RPTOR: variants seen among roughly 807,000 people sequenced by gnomAD.
RPTOR encodes the protein regulatory-associated protein of mTOR.
Under a neutral mutation model 169.9 loss-of-function variants are expected in RPTOR, and 21 were observed. The ratio of observed to expected loss-of-function variants is 0.12; its 90% confidence interval spans 0.09 to 0.18. The LOEUF is 0.18. Among genes scored for constraint, RPTOR ranks in the 10% least tolerant of loss-of-function variants. The probability of loss-of-function intolerance (pLI) is 1.00; values close to 1 mark genes in which losing one functional copy is unlikely to be tolerated. For synonymous variants in RPTOR, 732 were observed against 753.2 expected (o/e 0.97, Z 0.46); for missense variants, 1,133 against 1,855.9 (o/e 0.61, Z 7.16).
At chr17:80,866,137 CAA>C (rs746567588) in intron 13 of RPTOR, among the ~76,000 whole-genome samples, 22 of 148,794 alleles carry the variant, frequency 1.5e-4, no homozygotes, top group East Asian at 3.9e-4. Flanking sequence ...TCGTGAATAA[CAA>C]AGATTTATAT....
intron 5 of RPTOR, among the ~76,000 whole-genome samples, chr17:80,739,280 G>C (rs2066462708): frequency 7.5e-6 from 1 of 133,796 alleles, no homozygotes; most frequent in African/African-American, 2.8e-5. Flanking sequence ...AGGGGCAAGT[G>C]GGAAGTAAGT....
chr17:80,637,224 C>T (rs966672996), intron 2 of RPTOR, among the ~76,000 whole-genome samples: 1 of 152,202 alleles, frequency 6.6e-6, no homozygotes, highest in African/African-American at 2.4e-5. Flanking sequence ...GGAGAGCAGA[C>T]GTCATGTCTG....
chr17:80,962,999 A>G lies in RPTOR; in HGVS notation c.3881A>G (p.Asp1294Gly). ...GELINNIKYYDGFMGQRVGAI... is the reference protein window; with the variant it reads ...GELINNIKYYGGFMGQRVGAI... ...CTCATCAACAACATCAAGTACTACG[A>G]CGGCTTCATGGGCCAGCGGGTCGGC... The change falls in exon 33 of 34, where the codon GAC becomes GGC. Residue 1294 changes from aspartate to glycine, a missense_variant. Physicochemically the swap from Asp to Gly is moderately conservative, Grantham distance 94. Around this residue, in one of 9 missense-constraint regions of RPTOR, gnomAD observed 410 missense variants for 623.7 expected, o/e 0.66. Transcript: ENST00000306801. The G allele has an allele frequency of 6.2e-7, 1 of 1,612,082 alleles. No individual in the cohort carries two copies. The highest frequency in any genetic ancestry group is 8.5e-7 in the Non-Finnish European group (1 of 1,179,432).
intron 3 of RPTOR, among the ~76,000 whole-genome samples, chr17:80,689,222 G>T (rs994972658): frequency 5.3e-5 from 8 of 152,216 alleles, no homozygotes; most frequent in Admixed American, 3.3e-4. Context: ...GTCAGCAGAT[G>T]AACACATTCA....
In RPTOR at chr17:80,754,194, C is replaced by T. The variant is rs2066657580; in HGVS notation, c.830+9C>T. ...AAGATCGCCCTGCGCTGGTGAGTGG[C>T]CCCTGCTGTGCCCCTGGGACCCACT... On this transcript the variant is annotated intron_variant, in intron 6 of 33. Transcript: ENST00000306801. The surrounding 1 kb of genome is among the most constrained non-coding windows in gnomAD (Gnocchi z 4.2). 6.3e-7 allele frequency: 1 copy of T among 1,586,106 alleles called. No homozygotes were observed. The highest frequency in any genetic ancestry group is 8.6e-7 in the Non-Finnish European group (1 of 1,162,486).
At chr17:80,905,416 T>C (rs1355847521) in intron 20 of RPTOR, among the ~76,000 whole-genome samples, 1 of 143,674 alleles carries the variant, frequency 7.0e-6, no homozygotes, top group African/African-American at 2.6e-5. Context: ...GAAACCCGTC[T>C]CTACTAAAAA....
At position 80,695,375 on chromosome 17, in the gene RPTOR, A is replaced by G. The variant is rs2066027760; in HGVS notation, c.349-12466A>G. Among the ~76,000 whole-genome samples the G allele has an allele frequency of 6.6e-6, 1 of 152,160 alleles. No homozygotes were observed. ...TTTGTTCATGACGTTGCCAGGTCGA[A>G]TGGCTGGTGAATCATTGATTTGGGG... On this transcript the variant is annotated intron_variant, in intron 3 of 33. Transcript: ENST00000306801. This position sits in a 1 kb window ranked among gnomAD's most constrained non-coding sequence, Gnocchi z 4.9.
intron 7 of RPTOR, among the ~76,000 whole-genome samples, chr17:80,815,703 G>T (rs1053099945): frequency 1.3e-5 from 2 of 152,248 alleles, no homozygotes; most frequent in Non-Finnish European, 2.9e-5. Context: ...ACAATGGCGG[G>T]TAATAAAAGA....
chr17:80,891,692 T>C, intron 17 of RPTOR, 28 bp from the exon 18 acceptor site: 1 of 1,452,478 alleles, frequency 6.9e-7, no homozygotes, highest in African/African-American at 1.4e-5. Flanking sequence ...CCCCAGTGAC[T>C]GTTATTGTCC....
chr17:80,744,460 CTAGCACAGCCCTGGT>C (rs1567888737), intron 5 of RPTOR, among the ~76,000 whole-genome samples: 1 of 104,008 alleles, frequency 9.6e-6, no homozygotes, highest in Admixed American at 8.3e-5. Flanking sequence ...GTCCTGGTTA[CTAGCACAGCCCTGGT>C]TACTAGCACA....
At chr17:80,776,786 G>A (rs182204316) in intron 6 of RPTOR, among the ~76,000 whole-genome samples, 22 of 152,318 alleles carry the variant, frequency 1.4e-4, no homozygotes, top group African/African-American at 5.1e-4. Context: ...GTACGTGACT[G>A]CAAGAAAGGA....
chr17:80,927,896 A>G (rs192945323), intron 24 of RPTOR, among the ~76,000 whole-genome samples: 34 of 152,142 alleles, frequency 2.2e-4, no homozygotes, highest in South Asian at 8.3e-4. Flanking sequence ...GGAGGGTGTC[A>G]GCCTTGTGGT....
intron 2 of RPTOR, among the ~76,000 whole-genome samples, chr17:80,627,466 T>G (rs1183853626): frequency 1.3e-5 from 2 of 152,250 alleles, no homozygotes; most frequent in African/African-American, 4.8e-5. Flanking sequence ...TGGGTCCCTT[T>G]GTAATCGATC....
rs1598358821 is a variant in RPTOR at position 80,860,262 on chromosome 17, T to C, written c.1509+2362T>C. ...CCTGCTGTGCTCGCTGAAGCTGCCCTGTTGGGCTTTGTTCAGCCAAATTCA... is the reference window on the plus strand; with the variant it reads ...CCTGCTGTGCTCGCTGAAGCTGCCCCGTTGGGCTTTGTTCAGCCAAATTCA... On this transcript the variant is annotated intron_variant, in intron 13 of 33. Coordinates refer to ENST00000306801, the MANE Select transcript of RPTOR (RefSeq NM_020761.3). This position sits in a 1 kb window ranked among gnomAD's most constrained non-coding sequence, Gnocchi z 5.8. 1.3e-5 allele frequency among the ~76,000 whole-genome samples: 2 copies of C among 152,222 alleles called. No individual in the cohort carries two copies. The highest frequency in any genetic ancestry group is 2.4e-5 in the African/African-American group (1 of 41,466).
chr17:80,688,238 T>A (rs915748715), intron 3 of RPTOR, among the ~76,000 whole-genome samples: 1 of 152,158 alleles, frequency 6.6e-6, no homozygotes, highest in Non-Finnish European at 1.5e-5. Context: ...AAACTAGAAG[T>A]TAGACACTAT....
intron 13 of RPTOR, among the ~76,000 whole-genome samples, chr17:80,866,108 G>C (rs1376117927): frequency 6.7e-6 from 1 of 149,942 alleles, no homozygotes; most frequent in Non-Finnish European, 1.5e-5. Flanking sequence ...GTAATATTAA[G>C]ATACATAGAT....
chr17:80,574,702 C>T (rs895842472), intron 1 of RPTOR, among the ~76,000 whole-genome samples: 3 of 152,048 alleles, frequency 2.0e-5, no homozygotes, highest in Admixed American at 2.0e-4. Context: ...GTCACCCAGG[C>T]TGGAGTGCAG....
At chr17:80,583,247 G>A (rs1304636766) in intron 1 of RPTOR, among the ~76,000 whole-genome samples, 6 of 135,974 alleles carry the variant, frequency 4.4e-5, no homozygotes, top group Middle Eastern at 4.1e-3. Flanking sequence ...GGAGTGCAGT[G>A]GCGCGATCAC....
Position 80,957,487 on chromosome 17 carries a change from AT to A in RPTOR, c.3371-136del. 1.3e-6 allele frequency: 1 copy of A among 766,078 alleles called. No homozygotes were observed. The highest frequency in any genetic ancestry group is 1.9e-5 in the Admixed American group (1 of 53,272). The allele number at this position is 766,078 out of a possible 1,614,324, so 47.5% of individuals were successfully genotyped here. On this transcript the variant is annotated intron_variant, in intron 28 of 33. Transcript: ENST00000306801. This position sits in a 1 kb window ranked among gnomAD's most constrained non-coding sequence, Gnocchi z 4.6. ...CCTAGCGGGAGCTCATATGAGGCAT[AT>A]GGACCCACCAGATGGGCTCGATGGT...
Sources: gnomAD v4.1 joint callset for allele counts (sites outside exome capture counted in the v4.1 genomes callset) on GRCh38, gnomAD v4.1.1 for gene constraint, gnomAD v4.1.1 regional missense constraint, Gnocchi (gnomAD v3.1) non-coding constraint, MANE v1.5 for transcripts, NCBI Gene and HGNC (gene_info 2026-07-23, HGNC 2026-07-21) for gene names.